The following FBN2 variants were observed in gnomAD, a reference collection of about 807,000 sequenced individuals.
The protein encoded by FBN2 is fibrillin-2.
FBN2 carries 105 observed loss-of-function variants against 355.6 expected under a neutral mutation model. The ratio of observed to expected loss-of-function variants is 0.30; its 90% confidence interval spans 0.25 to 0.35. FBN2 has a LOEUF of 0.35. Among genes scored for constraint, FBN2 ranks in the 10% least tolerant of loss-of-function variants. The pLI is 1.00. For synonymous variants in FBN2, 1,350 were observed against 1,301.2 expected (o/e 1.04, Z -0.81); for missense variants, 3,280 against 3,758.7 (o/e 0.87, Z 3.33).
intron 56 of FBN2, among the ~76,000 whole-genome samples, chr5:128,279,755 C>T (rs1244752975): frequency 6.6e-6 from 1 of 152,026 alleles, no homozygotes; most frequent in Non-Finnish European, 1.5e-5. Flanking sequence ...GTATATTTCC[C>T]ATAAAAAGGT....
chr5:128,420,068 G>A (rs1172929918), intron 7 of FBN2, among the ~76,000 whole-genome samples: 2 of 152,036 alleles, frequency 1.3e-5, no homozygotes, highest in Non-Finnish European at 2.9e-5. Flanking sequence ...TATGGGGCTG[G>A]ATTTTTTTCT....
intron 35 of FBN2, among the ~76,000 whole-genome samples, 166 bp downstream of exon 35, chr5:128,318,713 A>G (rs1295623843): frequency 6.6e-6 from 1 of 152,192 alleles, no homozygotes; most frequent in Non-Finnish European, 1.5e-5. Flanking sequence ...AAATGCATCA[A>G]TTCCATAGTT....
chr5:128,407,547 T>C (rs754607619), intron 8 of FBN2, among the ~76,000 whole-genome samples: 2 of 152,188 alleles, frequency 1.3e-5, no homozygotes, highest in Admixed American at 6.5e-5. Flanking sequence ...AAATGACAGC[T>C]ATTATTTTTA....
At chr5:128,435,204 G>A (rs555839802) in intron 7 of FBN2, among the ~76,000 whole-genome samples, 58 of 152,084 alleles carry the variant, frequency 3.8e-4, no homozygotes, top group Admixed American at 2.4e-3. Flanking sequence ...ACTGGAGCAG[G>A]GGAATAAAAA....
At chr5:128,335,149 A>T in intron 30 of FBN2, 21 bp downstream of exon 30, 2 of 1,614,042 alleles carry the variant, frequency 1.2e-6, no homozygotes, top group Non-Finnish European at 1.7e-6. Context: ...ATAAATGTTT[A>T]TCCTTTCTTA....
intron 23 of FBN2, among the ~76,000 whole-genome samples, chr5:128,348,821 G>T (rs1257576487): frequency 1.3e-5 from 2 of 152,050 alleles, no homozygotes; most frequent in African/African-American, 4.8e-5. Context: ...CCTATAATAT[G>T]CTGTTGAAAG....
intron 7 of FBN2, among the ~76,000 whole-genome samples, chr5:128,440,172 C>G (rs1260461656): frequency 6.6e-6 from 1 of 152,100 alleles, no homozygotes; most frequent in Non-Finnish European, 1.5e-5. Flanking sequence ...TCCAGTCTTT[C>G]AAATATTTTG....
intron 5 of FBN2, among the ~76,000 whole-genome samples, chr5:128,492,374 T>C (rs918294579): frequency 6.6e-6 from 1 of 152,226 alleles, no homozygotes; most frequent in African/African-American, 2.4e-5. Context: ...GTAATAAATA[T>C]GATTAAGGAG....
chr5:128,510,218 C>T (rs1756076991), intron 5 of FBN2, among the ~76,000 whole-genome samples: 1 of 151,998 alleles, frequency 6.6e-6, no homozygotes, highest in Admixed American at 6.6e-5. Flanking sequence ...TCTTGGGCCA[C>T]ACATAAAATA....
chr5:128,274,536 G>T, intron 60 of FBN2, 31 bp downstream of exon 60: 1 of 1,235,266 alleles, frequency 8.1e-7, no homozygotes, highest in Non-Finnish European at 1.2e-6. Flanking sequence ...CTAGAAGTTT[G>T]TAAAATTTCC....
intron 7 of FBN2, among the ~76,000 whole-genome samples, chr5:128,432,359 C>T (rs1407640448): frequency 6.6e-6 from 1 of 152,062 alleles, no homozygotes; most frequent in Admixed American, 6.6e-5. Context: ...AAAATTGACA[C>T]CATTTGAAAT....
At chr5:128,303,119 A>T in intron 45 of FBN2, 30 bp from the exon 46 acceptor site, 1 of 1,333,260 alleles carries the variant, frequency 7.5e-7, no homozygotes, top group African/African-American at 1.4e-5. Context: ...CAAAAAATTC[A>T]ATTTTTAACT....
chr5:128,377,969 A>T, intron 12 of FBN2, 92 bp from the exon 13 acceptor site: 1 of 1,333,982 alleles, frequency 7.5e-7, no homozygotes, highest in Non-Finnish European at 1.1e-6. Context: ...AATATTCAAA[A>T]TCATGTTACT....
Position 128,285,539 on chromosome 5 carries a change from A to C in FBN2, c.7012+1179T>G, listed in dbSNP as rs940697649. Among the ~76,000 whole-genome samples, 3 of 141,138 alleles carry C rather than the reference A, an allele frequency of 2.1e-5. No individual in the cohort carries two copies. In the East Asian group the frequency reaches 5.8e-4, roughly 27 times the overall value. The allele number at this position is 141,138 out of a possible 152,430, so 92.6% of individuals were successfully genotyped here. A position where few individuals can be genotyped will look rare whatever the true frequency, so the allele number is the denominator to read the frequency against. On this transcript the variant is annotated intron_variant, in intron 55 of 64. Coordinates refer to ENST00000262464, the MANE Select transcript of FBN2 (RefSeq NM_001999.4). ...TGCTGCTCTTGGTCTTTTCTTTGAA[A>C]AAGTAAGTTCAGAGGATGATAGAAT...
At chr5:128,382,621 A>G (rs759245782) in intron 11 of FBN2, among the ~76,000 whole-genome samples, 2 of 151,958 alleles carry the variant, frequency 1.3e-5, no homozygotes, top group Non-Finnish European at 2.9e-5. Flanking sequence ...CTCAACAACT[A>G]TTTCCTCCCA....
At chr5:128,343,175 T>C (rs1228335095) in intron 25 of FBN2, among the ~76,000 whole-genome samples, 1 of 152,092 alleles carries the variant, frequency 6.6e-6, no homozygotes, top group Non-Finnish European at 1.5e-5. Context: ...TTAGAAGCAG[T>C]GCTGAGAGGA....
rs1161169590 is a variant in FBN2 at position 128,305,898 on chromosome 5, T to C, written c.5473A>G (p.Ile1825Val). Residue 1825 changes from isoleucine (I) to valine (V), a missense_variant, in exon 43 of 65, where the codon ATT (isoleucine) becomes GTT (valine). Ile to Val is a conservative substitution (Grantham distance 29). Around this residue, in one of 6 missense-constraint regions of FBN2, gnomAD observed 2,284 missense variants for 2,749.5 expected, o/e 0.83. Transcript: ENST00000262464. ...CAGCGGAAACTGCCAATCTGGTTAA[T>C]GCACACACCATTTGCACAAATGCCT... ...IPGICANGVC[I>V]NQIGSFRCEC... 6.2e-7 allele frequency: 1 copy of C among 1,613,916 alleles called. No individual in the cohort carries two copies.
chr5:128,489,621 A>G (rs1429297287), intron 5 of FBN2, among the ~76,000 whole-genome samples: 1 of 152,168 alleles, frequency 6.6e-6, no homozygotes, highest in Admixed American at 6.6e-5. Flanking sequence ...TGTAATAATA[A>G]AAACATTAGG....
intron 59 of FBN2, among the ~76,000 whole-genome samples, chr5:128,275,442 AT>A (rs57791023): frequency 0.58 from 84,181 of 144,626 alleles, 24,249 homozygotes; most frequent in African/African-American, 0.66. Flanking sequence ...GCTTGCTATT[AT>A]TTTTTTTTTT....
Sources: gnomAD v4.1 joint callset for allele counts (sites outside exome capture counted in the v4.1 genomes callset) on GRCh38, gnomAD v4.1.1 for gene constraint, gnomAD v4.1.1 regional missense constraint, MANE v1.5 for transcripts, NCBI Gene and HGNC (gene_info 2026-07-23, HGNC 2026-07-21) for gene names.